The following AFF3 variants were observed in gnomAD, a reference collection of about 807,000 sequenced individuals.
The protein encoded by AFF3 is AF4/FMR2 family member 3.
AFF3 carries 32 observed loss-of-function variants against 129.7 expected under a neutral mutation model. The ratio of observed to expected loss-of-function variants is 0.25; its 90% confidence interval spans 0.19 to 0.33. The LOEUF (loss-of-function observed/expected upper bound fraction) is 0.33, where lower values mean the gene tolerates loss of function less well. AFF3 is among the 10% of genes least tolerant of loss of function. The pLI, the probability that AFF3 is intolerant of heterozygous loss-of-function variation, is 1.00. For synonymous variants in AFF3, 644 were observed against 635.4 expected (o/e 1.01, Z -0.20); for missense variants, 1,373 against 1,592.0 (o/e 0.86, Z 2.34).
At chr2:99,785,019 G>T (rs915158317) in intron 8 of AFF3, among the ~76,000 whole-genome samples, 2 of 152,130 alleles carry the variant, frequency 1.3e-5, no homozygotes, top group African/African-American at 4.8e-5. Flanking sequence ...GCATGTTGCT[G>T]AGTGTTTGCA....
intron 8 of AFF3, among the ~76,000 whole-genome samples, chr2:99,754,247 A>C (rs1401500825): frequency 1.3e-5 from 2 of 152,172 alleles, no homozygotes; most frequent in Non-Finnish European, 2.9e-5. Context: ...CAAACTATTA[A>C]ACCAATTGTC....
At chr2:99,997,315 T>C (rs760127631) in intron 7 of AFF3, among the ~76,000 whole-genome samples, 7 of 152,200 alleles carry the variant, frequency 4.6e-5, no homozygotes, top group Non-Finnish European at 8.8e-5. Context: ...TCATCTCAGT[T>C]GATAGTAACT....
intron 7 of AFF3, among the ~76,000 whole-genome samples, chr2:99,996,527 A>ATTTTTTTTTTTTTT (rs756231548): frequency 8.8e-6 from 1 of 114,076 alleles, no homozygotes; most frequent in African/African-American, 3.9e-5. Context: ...CGCCCGGCTA[A>ATTTTTTTTTTTTTT]TTTTTTTTTT....
chr2:99,992,531 T>A (rs1448119520), intron 7 of AFF3, among the ~76,000 whole-genome samples: 1 of 152,242 alleles, frequency 6.6e-6, no homozygotes, highest in African/African-American at 2.4e-5. Context: ...GGCACAATTA[T>A]CGAACCAGAA....
chr2:99,555,845 C>A (rs867161236), intron 22 of AFF3, among the ~76,000 whole-genome samples: 1 of 152,154 alleles, frequency 6.6e-6, no homozygotes, highest in South Asian at 2.1e-4. Flanking sequence ...TGAGGTGCTA[C>A]AATGGCAAGA....
chr2:100,105,460 C>T, intron 3 of AFF3, 44 bp downstream of exon 3: 1 of 1,323,486 alleles, frequency 7.6e-7, no homozygotes, highest in Non-Finnish European at 1.0e-6. Context: ...CACCCTCTAG[C>T]TGGCCAGCCC....
intron 2 of AFF3, chr2:100,109,732 T>C (rs1691450587): frequency 6.6e-6 from 1 of 152,188 alleles, no homozygotes; most frequent in Non-Finnish European, 1.5e-5. Flanking sequence ...ATCAACTCCA[T>C]TTAGTCCTCC....
intron 4 of AFF3, among the ~76,000 whole-genome samples, chr2:100,050,198 G>A (rs1268019671): frequency 1.3e-5 from 2 of 151,754 alleles, no homozygotes; most frequent in Non-Finnish European, 1.5e-5. Context: ...ACTTCATCTC[G>A]GGGGGGAAAA....
intron 7 of AFF3, among the ~76,000 whole-genome samples, chr2:99,880,272 C>T (rs772618463): frequency 1.3e-5 from 2 of 152,330 alleles, no homozygotes; most frequent in Non-Finnish European, 2.9e-5. Context: ...TGAAGCAAGA[C>T]ACGCACTGCC....
intron 13 of AFF3, among the ~76,000 whole-genome samples, chr2:99,637,260 A>G (rs1346343392): frequency 6.6e-6 from 1 of 152,220 alleles, no homozygotes; most frequent in African/African-American, 2.4e-5. Context: ...TTTTAAACAA[A>G]GCAAAACAAA....
rs768054902 is a variant in AFF3 at position 100,106,523 on chromosome 2, G to C, written c.-144-940C>G. 20 of 999,920 alleles carry C rather than the reference G, an allele frequency of 2.0e-5. No individual in the cohort carries two copies. In the Admixed American group the frequency reaches 4.8e-4, roughly 24 times the overall value. 61.9% of individuals were successfully genotyped at this position (999,920 alleles called of 1,614,324 possible). A position where few individuals can be genotyped will look rare whatever the true frequency, so the allele number is the denominator to read the frequency against. The stretch of plus-strand genomic sequence containing the variant: ...TGTTTGCTTTGGCGAAAGTGAGATC[G>C]AGACATTGAGACAGCATTCCCAGGA... On this transcript the variant is annotated intron_variant, in intron 2 of 24. Coordinates refer to ENST00000672756, the MANE Select transcript of AFF3 (RefSeq NM_001386135.1).
At chr2:100,105,732 G>T in intron 2 of AFF3, 149 bp from the exon 3 acceptor site, 1 of 1,363,158 alleles carries the variant, frequency 7.3e-7, no homozygotes, top group Non-Finnish European at 9.8e-7. Flanking sequence ...CTTCTCCACA[G>T]TTGGCCTAGA....
chr2:99,657,582 T>A (rs995655687), intron 12 of AFF3, among the ~76,000 whole-genome samples: 1 of 152,208 alleles, frequency 6.6e-6, no homozygotes, highest in Non-Finnish European at 1.5e-5. Flanking sequence ...TTTGCCACGA[T>A]CTCCAATCTA....
rs550903665 is a variant in AFF3 at position 99,891,373 on chromosome 2, C to G, written c.874-53849G>C. Among the ~76,000 whole-genome samples, 3 of 152,272 alleles carry G rather than the reference C, an allele frequency of 2.0e-5. No homozygotes were observed. The East Asian group carries it at 5.8e-4, about 29-fold the overall frequency. ...GGCTTTTGCTGTCTCCGGGAATTAG[C>G]TAGCCTTTCAGGGTCAGTGAGGCCC... On this transcript the variant is annotated intron_variant, in intron 7 of 24. Transcript: ENST00000672756.
chr2:99,589,807 C>A (rs779598700), intron 15 of AFF3, among the ~76,000 whole-genome samples: 2 of 152,084 alleles, frequency 1.3e-5, no homozygotes, highest in African/African-American at 2.4e-5. Flanking sequence ...CTGGGTCTAG[C>A]GCAAAATGAA....
At chr2:100,125,540 C>A (rs55918648) in intron 2 of AFF3, among the ~76,000 whole-genome samples, 2,244 of 152,148 alleles carry the variant, frequency 0.015, 19 homozygotes, top group Non-Finnish European at 0.023. Context: ...AAGAAGTTCA[C>A]CCTGGGCAAT....
At chr2:99,887,499 C>T (rs564047214) in intron 7 of AFF3, among the ~76,000 whole-genome samples, 24 of 152,224 alleles carry the variant, frequency 1.6e-4, no homozygotes, top group East Asian at 5.8e-4. Context: ...ACACATTATC[C>T]GTGCTCACAA....
In AFF3 at chr2:100,075,203, C is replaced by G. The variant is rs534780841; in HGVS notation, c.53+29199G>C. Reference sequence around the variant, plus strand: ...TGGGCAAACAGAAGCAGACCATGAACTAAGTTAAAATTCAAGGCCCCCAGG... The same window carrying G: ...TGGGCAAACAGAAGCAGACCATGAAGTAAGTTAAAATTCAAGGCCCCCAGG... On this transcript the variant is annotated intron_variant, in intron 4 of 24. Coordinates refer to ENST00000672756, the MANE Select transcript of AFF3 (RefSeq NM_001386135.1). 5.9e-5 allele frequency among the ~76,000 whole-genome samples: 9 copies of G among 152,220 alleles called. No individual in the cohort carries two copies. The South Asian group carries it at 1.9e-3, about 32-fold the overall frequency.
chr2:99,880,015 C>T (rs115354696), intron 7 of AFF3, among the ~76,000 whole-genome samples: 3,735 of 152,180 alleles, frequency 0.025, 73 homozygotes, highest in Non-Finnish European at 0.037. Flanking sequence ...GAAGCCAGAC[C>T]AATAAGTCAA....
Sources: gnomAD v4.1 joint callset for allele counts (sites outside exome capture counted in the v4.1 genomes callset) on GRCh38, gnomAD v4.1.1 for gene constraint, MANE v1.5 for transcripts, NCBI Gene and HGNC (gene_info 2026-07-23, HGNC 2026-07-21) for gene names.